Variants in FNBP4 observed in about 807,000 individuals in gnomAD.
FNBP4 encodes the protein formin binding protein 4.
Under a neutral mutation model 119.3 loss-of-function variants are expected in FNBP4, and 34 were observed. The observed-to-expected ratio is 0.28, with a 90% CI of 0.22 to 0.38. FNBP4 has a LOEUF of 0.38. FNBP4 is among the 10% of genes least tolerant of loss of function. The pLI, the probability that FNBP4 is intolerant of heterozygous loss-of-function variation, is 1.00. For synonymous variants in FNBP4, 462 were observed against 430.6 expected, an observed-to-expected ratio of 1.07 and a Z score of -0.90; for missense variants, 1,112 against 1,228.9, an observed-to-expected ratio of 0.90 and a Z score of 1.42.
At position 47,763,189 on chromosome 11, in the gene FNBP4, C is replaced by T. The variant is rs186315691; in HGVS notation, c.313+2081G>A. On this transcript the variant is annotated intron_variant, in intron 2 of 16. Coordinates refer to ENST00000263773, the MANE Select transcript of FNBP4 (RefSeq NM_015308.5). ...AGATGAAGATGTGTTGCAGGCTGGG[C>T]GTGGTGGCTCAGACCTGTGATCACC... Among the ~76,000 whole-genome samples, 22 of 152,112 alleles carry T rather than the reference C, an allele frequency of 1.4e-4. No individual in the cohort carries two copies. In the South Asian group the frequency reaches 3.1e-3, roughly 21 times the overall value.
At chr11:47,730,759 A>T (rs970561997) in intron 12 of FNBP4, among the ~76,000 whole-genome samples, 7 of 152,216 alleles carry the variant, frequency 4.6e-5, no homozygotes, top group African/African-American at 1.4e-4. Flanking sequence ...CTATCTTTTA[A>T]AAAATGTATG....
chr11:47,739,363 TA>T (rs2097578605), intron 8 of FNBP4, among the ~76,000 whole-genome samples: 1 of 152,212 alleles, frequency 6.6e-6, no homozygotes, highest in African/African-American at 2.4e-5. Context: ...TATTAATTTT[TA>T]ATGCCATTAT....
rs188763928 is a variant in FNBP4 at position 47,746,517 on chromosome 11, G to A, written c.907-123C>T. ...GTAGCTGAATACTCAAGGTAAAAAC[G>A]ACTTTTTTTTTTTTTGAGATGGAGT... On this transcript the variant is annotated intron_variant, in intron 6 of 16. Coordinates refer to ENST00000263773, the MANE Select transcript of FNBP4 (RefSeq NM_015308.5). 50 of 900,052 alleles carry A rather than the reference G, an allele frequency of 5.6e-5. No homozygotes were observed. The East Asian group carries it at 9.2e-4, about 17-fold the overall frequency. 55.8% of individuals were successfully genotyped at this position (900,052 alleles called of 1,614,324 possible). A position where few individuals can be genotyped will look rare whatever the true frequency, so the allele number is the denominator to read the frequency against.
intron 8 of FNBP4, among the ~76,000 whole-genome samples, chr11:47,742,470 T>C (rs2097583450): frequency 3.4e-5 from 1 of 29,080 alleles, no homozygotes; most frequent in Non-Finnish European, 7.0e-5. Flanking sequence ...AGAGCAAGAC[T>C]CCGTCTCAAA....
chr11:47,754,727 AAAGCGG>A, intron 2 of FNBP4, 63 bp from the exon 3 acceptor site: 5 of 1,560,058 alleles, frequency 3.2e-6, no homozygotes, highest in Non-Finnish European at 4.3e-6. Context: ...AGAAGCATCT[AAAGCGG>A]AAGTATAACA....
intron 14 of FNBP4, among the ~76,000 whole-genome samples, 184 bp from the exon 15 acceptor site, chr11:47,723,500 C>G (rs949195874): frequency 1.3e-5 from 2 of 152,164 alleles, no homozygotes; most frequent in East Asian, 1.9e-4. Flanking sequence ...ATTAAACTAC[C>G]TAAACATCGA....
intron 15 of FNBP4, among the ~76,000 whole-genome samples, chr11:47,721,933 T>TA (rs2097556056): frequency 1.2e-5 from 1 of 84,674 alleles, no homozygotes; most frequent in African/African-American, 4.7e-5. Context: ...AAAAAAAAGC[T>TA]AAAAAATAAA....
At chr11:47,757,255 C>G (rs2097621073) in intron 2 of FNBP4, among the ~76,000 whole-genome samples, 1 of 152,208 alleles carries the variant, frequency 6.6e-6, no homozygotes, top group Non-Finnish European at 1.5e-5. Flanking sequence ...GAGTCTCGCT[C>G]TGTCCCCCAG....
chr11:47,758,846 A>G (rs1281693214), intron 2 of FNBP4, among the ~76,000 whole-genome samples: 1 of 151,490 alleles, frequency 6.6e-6, no homozygotes, highest in Non-Finnish European at 1.5e-5. Flanking sequence ...TGACAGGGCG[A>G]GACTCCGTCT....
At position 47,724,510 on chromosome 11, in the gene FNBP4, G is replaced by A; in HGVS notation, c.2277C>T (p.Thr759=). 1 of 1,614,158 alleles carries A rather than the reference G, an allele frequency of 6.2e-7. No homozygotes were observed. The highest frequency in any genetic ancestry group is 1.3e-5 in the African/African-American group (1 of 75,032). The stretch of plus-strand genomic sequence containing the variant: ...TGGTTTGTGCTGAAGGTTTCAAAGG[G>A]GTATCTTCCTCTGTTCCTGGGGCAG... ...EPPAPGTEED[T]PLKPSAQTTV... Residue 759 remains threonine (T), a synonymous_variant, in exon 13 of 17, where the codon ACC becomes ACT. Coordinates refer to ENST00000263773, the MANE Select transcript of FNBP4 (RefSeq NM_015308.5).
chr11:47,729,260 G>T (rs1418980035), intron 12 of FNBP4: 1 of 985,110 alleles, frequency 1.0e-6, no homozygotes, highest in African/African-American at 1.7e-5. Context: ...TTTAAATCAA[G>T]AAATTATACA....
chr11:47,729,654 C>T (rs1055862754), intron 12 of FNBP4: 31 of 960,162 alleles, frequency 3.2e-5, no homozygotes, highest in South Asian at 2.4e-4. Flanking sequence ...GGACTACAGG[C>T]GTGGGCCACT....
intron 2 of FNBP4, among the ~76,000 whole-genome samples, chr11:47,757,517 G>A (rs969259905): frequency 1.5e-4 from 22 of 142,928 alleles, no homozygotes; most frequent in African/African-American, 3.2e-4. Context: ...CGGCTGAGAC[G>A]GAGTCTTGCT....
chr11:47,739,331 A>C (rs548229653), intron 8 of FNBP4, among the ~76,000 whole-genome samples: 280 of 152,306 alleles, frequency 1.8e-3, no homozygotes, highest in Middle Eastern at 0.014. Context: ...GTCTGAAACA[A>C]AATCTTCCCA....
intron 8 of FNBP4, among the ~76,000 whole-genome samples, chr11:47,743,618 T>C (rs953744271): frequency 1.3e-5 from 2 of 152,186 alleles, no homozygotes; most frequent in Non-Finnish European, 2.9e-5. Context: ...GATAAGGTCC[T>C]TATTACCTGA....
intron 9 of FNBP4, among the ~76,000 whole-genome samples, chr11:47,736,377 G>A (rs2097574184): frequency 6.6e-6 from 1 of 152,042 alleles, no homozygotes; most frequent in Non-Finnish European, 1.5e-5. Context: ...CCAACATGGT[G>A]AAACCCCGTT....
At chr11:47,749,439 A>G (rs1269179770) in intron 6 of FNBP4, among the ~76,000 whole-genome samples, 1 of 152,094 alleles carries the variant, frequency 6.6e-6, no homozygotes, top group Non-Finnish European at 1.5e-5. Flanking sequence ...TGTGCCTGTA[A>G]TCCAAGCTAC....
intron 2 of FNBP4, among the ~76,000 whole-genome samples, chr11:47,761,989 C>T (rs180723013): frequency 1.3e-3 from 195 of 152,016 alleles, no homozygotes; most frequent in Non-Finnish European, 2.3e-3. Flanking sequence ...CAGGCATGCG[C>T]CACCATGCCC....
intron 2 of FNBP4, among the ~76,000 whole-genome samples, chr11:47,758,517 G>A (rs1278173344): frequency 2.0e-5 from 3 of 152,032 alleles, no homozygotes; most frequent in Admixed American, 1.3e-4. Context: ...ATATAGGTGT[G>A]AGCCACCTCA....
Sources: gnomAD v4.1 joint callset for allele counts (sites outside exome capture counted in the v4.1 genomes callset) on GRCh38, gnomAD v4.1.1 for gene constraint, MANE v1.5 for transcripts, NCBI Gene and HGNC (gene_info 2026-07-23, HGNC 2026-07-21) for gene names.